THSD7B: variants seen among roughly 807,000 people sequenced by gnomAD.
The protein encoded by THSD7B is thrombospondin type 1 domain containing 7B.
In THSD7B, 138 loss-of-function variants were observed where a neutral mutation model predicts 213.6. The observed-to-expected ratio is 0.65, with a 90% CI of 0.56 to 0.74. THSD7B has a LOEUF of 0.74. Among genes scored for constraint, THSD7B ranks in the 30% least tolerant of loss-of-function variants. THSD7B has a pLI of 0.00. For missense variants in THSD7B, 1,931 were observed against 1,991.5 expected (o/e 0.97, Z 0.58); for synonymous variants, 742 against 687.0 (o/e 1.08, Z -1.25).
At chr2:137,055,695 C>T (rs1687149731) in intron 2 of THSD7B, among the ~76,000 whole-genome samples, 1 of 152,158 alleles carries the variant, frequency 6.6e-6, no homozygotes, top group Non-Finnish European at 1.5e-5. Flanking sequence ...CAGTACCCAT[C>T]AGAAATCAAA....
intron 7 of THSD7B, among the ~76,000 whole-genome samples, chr2:137,209,490 C>A (rs937356117): frequency 2.6e-5 from 4 of 152,018 alleles, no homozygotes; most frequent in Non-Finnish European, 4.4e-5. Flanking sequence ...CACACAATTA[C>A]ATTGTTTACC....
chr2:137,082,985 C>T (rs1020491100), intron 3 of THSD7B, among the ~76,000 whole-genome samples: 3 of 152,086 alleles, frequency 2.0e-5, no homozygotes, highest in Non-Finnish European at 4.4e-5. Context: ...AGAACAATCT[C>T]TTTATTCCAC....
In THSD7B at chr2:137,677,043, C is replaced by T. The variant is rs1351038763; in HGVS notation, c.*438C>T. 1 of 153,230 alleles carries T rather than the reference C, an allele frequency of 6.5e-6. No homozygotes were observed. The highest frequency in any genetic ancestry group is 1.5e-5 in the Non-Finnish European group (1 of 68,468). The allele number at this position is 153,230 out of a possible 1,614,324, so 9.5% of individuals were successfully genotyped here. On this transcript the variant is annotated 3_prime_UTR_variant, in exon 28 of 28. Transcript: ENST00000409968. ...GTGCAAAGTCTTTATTCTTCCCATA[C>T]TTCAACACTGAGTTTTCTAGAGTTT...
chr2:137,635,895 G>A (rs1397355739), intron 20 of THSD7B, among the ~76,000 whole-genome samples: 3 of 152,058 alleles, frequency 2.0e-5, no homozygotes, highest in Non-Finnish European at 4.4e-5. Context: ...TAGAAATGGG[G>A]TTTTACCACG....
intron 2 of THSD7B, among the ~76,000 whole-genome samples, chr2:137,031,194 AT>A (rs2104852397): frequency 8.0e-6 from 1 of 124,678 alleles, no homozygotes; most frequent in African/African-American, 2.5e-5. Context: ...AAATACAAAA[AT>A]TAGCTGGGCA....
intron 16 of THSD7B, among the ~76,000 whole-genome samples, chr2:137,570,518 G>A (rs1018127932): frequency 2.0e-5 from 3 of 151,918 alleles, no homozygotes; most frequent in African/African-American, 7.2e-5. Context: ...CCATGTTAGC[G>A]AGGATGGTCT....
At chr2:137,663,317 T>A in intron 25 of THSD7B, 66 bp from the exon 26 acceptor site, 1 of 1,326,210 alleles carries the variant, frequency 7.5e-7, no homozygotes, top group African/African-American at 1.5e-5. Flanking sequence ...GATTTTAACA[T>A]TATATTTTTA....
chr2:137,628,885 C>T (rs1335097436), intron 20 of THSD7B, among the ~76,000 whole-genome samples: 3 of 152,122 alleles, frequency 2.0e-5, no homozygotes, highest in Non-Finnish European at 2.9e-5. Context: ...TCAATCACAC[C>T]CTTGATCAAA....
chr2:137,322,705 A>G (rs1684287959), intron 12 of THSD7B, among the ~76,000 whole-genome samples: 1 of 152,174 alleles, frequency 6.6e-6, no homozygotes, highest in Non-Finnish European at 1.5e-5. Flanking sequence ...CTGAGATTTG[A>G]TTAGACATTT....
chr2:136,969,169 C>A (rs761032866), intron 2 of THSD7B, among the ~76,000 whole-genome samples: 47 of 152,104 alleles, frequency 3.1e-4, no homozygotes, highest in Admixed American at 9.2e-4. Context: ...ATTTTTCTTT[C>A]AAAGCTCTTT....
At chr2:137,159,542 G>C (rs13425399) in intron 5 of THSD7B, among the ~76,000 whole-genome samples, 13,325 of 152,162 alleles carry the variant, frequency 0.088, 1,617 homozygotes, top group African/African-American at 0.27. Flanking sequence ...AAACATGGTT[G>C]CTGCGACCTG....
chr2:136,799,463 C>T (rs1364449110), intron 1 of THSD7B, among the ~76,000 whole-genome samples: 16 of 151,982 alleles, frequency 1.1e-4, no homozygotes, highest in Admixed American at 1.1e-3. Context: ...TCTTCACCAT[C>T]AAATCCACTA....
chr2:137,237,958 C>T (rs925973738), intron 9 of THSD7B, among the ~76,000 whole-genome samples: 1 of 152,224 alleles, frequency 6.6e-6, no homozygotes, highest in African/African-American at 2.4e-5. Flanking sequence ...TATAATAGCA[C>T]TGTAACCTAA....
intron 2 of THSD7B, among the ~76,000 whole-genome samples, chr2:136,945,378 C>T (rs886966677): frequency 6.6e-6 from 1 of 152,124 alleles, no homozygotes; most frequent in Non-Finnish European, 1.5e-5. Context: ...GGTAACCCCA[C>T]CTTTCTCTCT....
At chr2:136,913,128 A>T (rs773789767) in intron 2 of THSD7B, among the ~76,000 whole-genome samples, 1 of 152,188 alleles carries the variant, frequency 6.6e-6, no homozygotes, top group Non-Finnish European at 1.5e-5. Context: ...GGAAATGAGG[A>T]ACTTTTTGGG....
chr2:136,937,050 A>G (rs1332230902), intron 2 of THSD7B, among the ~76,000 whole-genome samples: 1 of 152,146 alleles, frequency 6.6e-6, no homozygotes, highest in Non-Finnish European at 1.5e-5. Context: ...TTGTGCAACC[A>G]TATTCCGAAC....
At chr2:137,437,307 C>T (rs188642086) in intron 14 of THSD7B, among the ~76,000 whole-genome samples, 3 of 152,104 alleles carry the variant, frequency 2.0e-5, no homozygotes, top group Non-Finnish European at 2.9e-5. Context: ...TCTCCCACTC[C>T]CCCCATGCAT....
chr2:137,340,981 G>GTTTT (rs70978213), intron 12 of THSD7B, among the ~76,000 whole-genome samples: 1 of 98,658 alleles, frequency 1.0e-5, no homozygotes, highest in Non-Finnish European at 2.2e-5. Context: ...TTCTCTTTTT[G>GTTTT]TTTTTTTTTT....
intron 15 of THSD7B, among the ~76,000 whole-genome samples, chr2:137,476,678 C>T (rs1688201259): frequency 6.6e-6 from 1 of 152,044 alleles, no homozygotes; most frequent in Non-Finnish European, 1.5e-5. Flanking sequence ...TCAAGGGATT[C>T]CCTTGCCTCA....
Sources: allele counts gnomAD v4.1 joint callset (sites outside exome capture counted in the v4.1 genomes callset), GRCh38; gene constraint gnomAD v4.1.1; transcripts MANE v1.5; gene names NCBI Gene and HGNC (gene_info 2026-07-23, HGNC 2026-07-21).